The following AHCTF1 variants were observed in gnomAD, a reference collection of about 807,000 sequenced individuals.
AHCTF1 encodes protein ELYS.
In AHCTF1, 24 loss-of-function variants were observed where a neutral mutation model predicts 248.4. The observed-to-expected ratio is 0.10, with a 90% CI of 0.07 to 0.14. The LOEUF is 0.14. Among genes scored for constraint, AHCTF1 ranks in the 10% least tolerant of loss-of-function variants. The pLI is 1.00. For missense variants in AHCTF1, 2,206 were observed against 2,636.2 expected, an observed-to-expected ratio of 0.84 and a Z score of 3.57; for synonymous variants, 786 against 929.8, an observed-to-expected ratio of 0.85 and a Z score of 2.81.
chr1:246,876,210 A>G (rs1662953552), intron 23 of AHCTF1, 23 bp from the exon 24 acceptor site: 1 of 1,545,930 alleles, frequency 6.5e-7, no homozygotes, highest in Middle Eastern at 2.2e-4. Flanking sequence ...AAAATTGGTA[A>G]AAAATTTAAC....
intron 1 of AHCTF1, chr1:246,931,163 C>T (rs2103270767): frequency 6.5e-7 from 1 of 1,550,344 alleles, no homozygotes; most frequent in East Asian, 2.4e-5. Context: ...GAACACACGC[C>T]AACACAGGAC....
At chr1:246,847,810 C>T (rs191300745) in intron 33 of AHCTF1, among the ~76,000 whole-genome samples, 1 of 152,266 alleles carries the variant, frequency 6.6e-6, no homozygotes, top group African/African-American at 2.4e-5. Context: ...GAGATGTTTG[C>T]TAAGCTCTAA....
Position 246,905,641 on chromosome 1 carries a change from C to G in AHCTF1, c.781G>C (p.Glu261Gln), listed in dbSNP as rs756089086. The change falls in exon 6 of 36, where the codon GAA (glutamate) becomes CAA (glutamine). Residue 261 changes from glutamate (E) to glutamine (Q), a missense_variant. Physicochemically the swap from Glu to Gln is conservative, Grantham distance 29. Coordinates refer to ENST00000648844, the MANE Select transcript of AHCTF1 (RefSeq NM_001323342.2). ...GCATATACAGGAACTTGTCCACTTT[C>G]CAATTGTATGTAATATCTGAAACAA... ...SMKREYYIQL[E>Q]SGQVPVYAVT... is the part of the protein sequence containing the mutation. 1.2e-6 allele frequency: 2 copies of G among 1,611,390 alleles called. No homozygotes were observed. The highest frequency in any genetic ancestry group is 2.2e-5 in the South Asian group (2 of 91,006).
intron 1 of AHCTF1, among the ~76,000 whole-genome samples, chr1:246,923,181 G>A (rs1400447997): frequency 5.3e-5 from 8 of 150,892 alleles, no homozygotes; most frequent in African/African-American, 7.3e-5. Context: ...TTGGGAGGCC[G>A]AGGTGGGCAG....
intron 16 of AHCTF1, among the ~76,000 whole-genome samples, 189 bp downstream of exon 16, chr1:246,890,767 T>C (rs909931163): frequency 6.6e-6 from 1 of 152,046 alleles, no homozygotes; most frequent in Non-Finnish European, 1.5e-5. Flanking sequence ...ATGAGCACTG[T>C]GTGTCAGGCA....
chr1:246,896,838 T>C (rs1664609517), intron 12 of AHCTF1, among the ~76,000 whole-genome samples: 1 of 152,168 alleles, frequency 6.6e-6, no homozygotes, highest in Non-Finnish European at 1.5e-5. Flanking sequence ...AGGAATCCCA[T>C]GAATGTAAGT....
At chr1:246,842,174 T>C (rs1659918725) in intron 35 of AHCTF1, among the ~76,000 whole-genome samples, 1 of 152,132 alleles carries the variant, frequency 6.6e-6, no homozygotes, top group Non-Finnish European at 1.5e-5. Flanking sequence ...AATCTAACAA[T>C]GCCAGGGAGC....
intron 6 of AHCTF1, 21 bp downstream of exon 6, chr1:246,905,520 C>CA: frequency 6.3e-7 from 1 of 1,586,720 alleles, no homozygotes; most frequent in Non-Finnish European, 8.6e-7. Context: ...CAAAACAAAA[C>CA]AAAGTTTGTA....
In AHCTF1 at chr1:246,840,961, T is replaced by G. The variant is rs754485817; in HGVS notation, c.6646A>C (p.Ile2216Leu). ...EKESAWSPPP[I>L]EIRLISPLAS... ...AAGGGGGAAATCAGCCGAATTTCTA[T>G]GGGAGGAGGTGACCAAGCACTTTCT... The change falls in exon 36 of 36, where the codon ATA (isoleucine) becomes CTA (leucine). Residue 2216 changes from isoleucine to leucine, a missense_variant. Physicochemically the swap from Ile to Leu is conservative, Grantham distance 5. Around this residue, in one of 6 missense-constraint regions of AHCTF1, gnomAD observed 469 missense variants for 470.0 expected, o/e 1.00. Coordinates refer to ENST00000648844, the MANE Select transcript of AHCTF1 (RefSeq NM_001323342.2). 10 of 1,610,902 alleles carry G rather than the reference T, an allele frequency of 6.2e-6. No individual in the cohort carries two copies. Among genetic ancestry groups the G allele is most frequent in the African/African-American group, 1.3e-5 (1 of 74,594 alleles).
chr1:246,890,732 A>G (rs909826282), intron 16 of AHCTF1, among the ~76,000 whole-genome samples: 1 of 152,130 alleles, frequency 6.6e-6, no homozygotes, highest in African/African-American at 2.4e-5. Context: ...TTCCTTCTAA[A>G]TGTTATTCAA....
At chr1:246,848,945 TCTTAA>T (rs1218361203) in intron 33 of AHCTF1, among the ~76,000 whole-genome samples, 2 of 152,154 alleles carry the variant, frequency 1.3e-5, no homozygotes, top group Non-Finnish European at 2.9e-5. Flanking sequence ...CACACCAGTG[TCTTAA>T]CTTTTTAGAC....
intron 33 of AHCTF1, among the ~76,000 whole-genome samples, chr1:246,844,702 T>C (rs946398316): frequency 2.6e-5 from 4 of 152,038 alleles, no homozygotes; most frequent in African/African-American, 9.7e-5. Flanking sequence ...CCAGCCTGGG[T>C]AACAGAGTGA....
At chr1:246,931,464 C>A (rs967966156) in intron 1 of AHCTF1, 114 bp downstream of exon 1, 1,060 of 1,040,532 alleles carry the variant, frequency 1.0e-3, no homozygotes, top group Non-Finnish European at 1.2e-3. Flanking sequence ...GCCCGGCGCT[C>A]GCGGGGCAGA....
chr1:246,889,988 G>C lies in AHCTF1; in HGVS notation c.2122C>G (p.Gln708Glu). ...TACCTTGATAAACGCTCAAACTTCT[G>C]TCGACGACTGGTGTAGTAGTTCTGA... ...VIQNYYTSRR[Q>E]KFERLSRGKW... Residue 708 changes from glutamine (Q) to glutamate (E), a missense_variant, in exon 17 of 36, where the codon CAG becomes GAG. Physicochemically the swap from Gln to Glu is conservative, Grantham distance 29 (BLOSUM62 2). Around this residue, in one of 6 missense-constraint regions of AHCTF1, gnomAD observed 650 missense variants for 870.8 expected, o/e 0.75. Coordinates refer to ENST00000648844, the MANE Select transcript of AHCTF1 (RefSeq NM_001323342.2). 4 of 1,611,904 alleles carry C rather than the reference G, an allele frequency of 2.5e-6. No homozygotes were observed. Among genetic ancestry groups the C allele is most frequent in the South Asian group, 2.2e-5 (2 of 90,874 alleles).
At chr1:246,903,316 A>G (rs754027689) in intron 7 of AHCTF1, among the ~76,000 whole-genome samples, 6 of 152,096 alleles carry the variant, frequency 3.9e-5, no homozygotes, top group Non-Finnish European at 5.9e-5. Flanking sequence ...TATAAAAATC[A>G]CCCTATGGCT....
chr1:246,889,391 G>A (rs1004415505), intron 17 of AHCTF1, among the ~76,000 whole-genome samples: 9 of 152,172 alleles, frequency 5.9e-5, no homozygotes, highest in Admixed American at 5.2e-4. Context: ...ATTTTATTTA[G>A]CTTTATACTG....
intron 1 of AHCTF1, among the ~76,000 whole-genome samples, chr1:246,921,299 TG>T: frequency 6.6e-6 from 1 of 152,288 alleles, no homozygotes; most frequent in East Asian, 1.9e-4. Context: ...CGAGGGACTC[TG>T]AAGTAGTGGT....
chr1:246,927,999 CA>C (rs1558288379), intron 1 of AHCTF1, among the ~76,000 whole-genome samples: 2 of 151,494 alleles, frequency 1.3e-5, no homozygotes, highest in South Asian at 4.2e-4. Context: ...ACTCCGCCAC[CA>C]AAAAATTAAT....
chr1:246,926,382 C>G (rs976143359), intron 1 of AHCTF1, among the ~76,000 whole-genome samples: 5 of 152,170 alleles, frequency 3.3e-5, no homozygotes, highest in Non-Finnish European at 5.9e-5. Context: ...CATATCCAAG[C>G]TTCTAGAAAA....
Sources: gnomAD v4.1 joint callset for allele counts (sites outside exome capture counted in the v4.1 genomes callset) on GRCh38, gnomAD v4.1.1 for gene constraint, gnomAD v4.1.1 regional missense constraint, MANE v1.5 for transcripts, NCBI Gene and HGNC (gene_info 2026-07-23, HGNC 2026-07-21) for gene names.